AKAP12: variants seen among roughly 807,000 people sequenced by gnomAD.
AKAP12 encodes A-kinase anchor protein 12.
A neutral mutation model predicts 79.9 loss-of-function variants in AKAP12; 32 were observed. That is an observed-to-expected ratio of 0.40 (90% confidence interval 0.30 to 0.54). The LOEUF (loss-of-function observed/expected upper bound fraction) is 0.54, where lower values mean the gene tolerates loss of function less well. Among genes scored for constraint, AKAP12 ranks in the 20% least tolerant of loss-of-function variants. The pLI is 0.48. For synonymous variants in AKAP12, 808 were observed against 857.0 expected (o/e 0.94, Z 1.00); for missense variants, 2,074 against 2,177.0 (o/e 0.95, Z 0.94).
chr6:151,275,866 G>T (rs1306543296), intron 2 of AKAP12, among the ~76,000 whole-genome samples: 2 of 152,194 alleles, frequency 1.3e-5, no homozygotes. Flanking sequence ...TTGTTGAATG[G>T]TTTTATGCTG....
At chr6:151,315,811 A>G (rs1460064929) in intron 3 of AKAP12, among the ~76,000 whole-genome samples, 1 of 152,014 alleles carries the variant, frequency 6.6e-6, no homozygotes, top group Non-Finnish European at 1.5e-5. Context: ...CAGGAAACTT[A>G]ACAATAATGG....
In AKAP12 at chr6:151,351,467, G is replaced by C; in HGVS notation, c.3076G>C (p.Glu1026Gln). ...GGAGGCCACTCCGGTGCAGGAGGTG[G>C]AAGGTGGCGTACCTGACATAGAAGA... ...TEEATPVQEV[E>Q]GGVPDIEEQE... The change falls in exon 4 of 5, where the codon GAA becomes CAA. Residue 1026 changes from glutamate to glutamine, a missense_variant. Glu to Gln is a conservative substitution (Grantham distance 29). Around this residue, in one of 3 missense-constraint regions of AKAP12, gnomAD observed 1,428 missense variants for 1,451.0 expected, o/e 0.98. Transcript: ENST00000402676. This position sits in a 1 kb window ranked among gnomAD's most constrained non-coding sequence, Gnocchi z 4.4. 1 of 1,614,230 alleles carries C rather than the reference G, an allele frequency of 6.2e-7. No individual in the cohort carries two copies. Among genetic ancestry groups the C allele is most frequent in the East Asian group, 2.2e-5 (1 of 44,866 alleles).
intron 3 of AKAP12, among the ~76,000 whole-genome samples, chr6:151,312,432 T>C (rs1030034563): frequency 1.3e-5 from 2 of 151,982 alleles, no homozygotes; most frequent in African/African-American, 4.8e-5. Flanking sequence ...GAGCCATGAT[T>C]GCACCACTGT....
intron 2 of AKAP12, among the ~76,000 whole-genome samples, chr6:151,263,264 G>A (rs1652509042): frequency 1.3e-5 from 2 of 152,032 alleles, no homozygotes; most frequent in Non-Finnish European, 1.5e-5. Flanking sequence ...CCAACTCTTG[G>A]GCTCAAGCAA....
intron 2 of AKAP12, among the ~76,000 whole-genome samples, chr6:151,290,095 A>AC (rs1255010174): frequency 6.6e-6 from 1 of 152,212 alleles, no homozygotes; most frequent in Non-Finnish European, 1.5e-5. Context: ...GTGTGGACTA[A>AC]CACAAATGTG....
chr6:151,324,624 C>T (rs1777478941), intron 3 of AKAP12: 1 of 985,270 alleles, frequency 1.0e-6, no homozygotes, highest in Non-Finnish European at 1.2e-6. Context: ...TAAAACTTTC[C>T]TTTTTGTTTG....
chr6:151,318,044 C>G (rs547591699), intron 3 of AKAP12, among the ~76,000 whole-genome samples: 1 of 152,330 alleles, frequency 6.6e-6, no homozygotes, highest in Non-Finnish European at 1.5e-5. Context: ...TTGTGTCCCC[C>G]TAAACGTACA....
At chr6:151,281,272 T>C (rs1776401932) in intron 2 of AKAP12, among the ~76,000 whole-genome samples, 1 of 152,220 alleles carries the variant, frequency 6.6e-6, no homozygotes, top group African/African-American at 2.4e-5. Flanking sequence ...CTAATTTTAA[T>C]GCTACTGAGA....
At chr6:151,305,039 C>T (rs1016240821) in intron 2 of AKAP12, among the ~76,000 whole-genome samples, 4 of 152,226 alleles carry the variant, frequency 2.6e-5, no homozygotes, top group African/African-American at 7.2e-5. Context: ...GGCCTTCGCG[C>T]CAAGCGGCCT....
chr6:151,319,896 G>A (rs1777335626), intron 3 of AKAP12: 1 of 152,446 alleles, frequency 6.6e-6, no homozygotes, highest in South Asian at 2.1e-4. Flanking sequence ...AATAACAGTG[G>A]CATCGATTCT....
Position 151,240,869 on chromosome 6 carries a change from T to C in AKAP12, c.162+145T>C, listed in dbSNP as rs531971361. The C allele has an allele frequency of 9.9e-4, 808 of 813,622 alleles. 5 individuals carry two copies. Among genetic ancestry groups the C allele is most frequent in the Non-Finnish European group, 2.5e-4 (150 of 608,914 alleles). 50.4% of individuals were successfully genotyped at this position (813,622 alleles called of 1,614,324 possible). ...CAAACTCAGGAGTGCGAACCCCTCTTTGGAGGCTTTTCAGGGTCTTTCGCG... is the reference window on the plus strand; with the variant it reads ...CAAACTCAGGAGTGCGAACCCCTCTCTGGAGGCTTTTCAGGGTCTTTCGCG... On this transcript the variant is annotated intron_variant, in intron 2 of 4. Coordinates refer to ENST00000402676, the MANE Select transcript of AKAP12 (RefSeq NM_005100.4).
chr6:151,260,659 A>T (rs1422890191), intron 2 of AKAP12, among the ~76,000 whole-genome samples: 1 of 152,138 alleles, frequency 6.6e-6, no homozygotes, highest in Non-Finnish European at 1.5e-5. Flanking sequence ...TTGAGTTTGG[A>T]TGCAGATCGT....
At chr6:151,331,778 G>C (rs540416268) in intron 3 of AKAP12, among the ~76,000 whole-genome samples, 1 of 151,388 alleles carries the variant, frequency 6.6e-6, no homozygotes, top group Admixed American at 6.6e-5. Context: ...CCAGCTACTC[G>C]GGAGGCTGAG....
chr6:151,299,980 A>G (rs561904196), intron 2 of AKAP12, among the ~76,000 whole-genome samples: 5 of 152,302 alleles, frequency 3.3e-5, no homozygotes, highest in East Asian at 1.9e-4. Context: ...TGCCATATCT[A>G]TTAGAATGGC....
At chr6:151,308,456 G>T (rs574853078) in intron 3 of AKAP12, among the ~76,000 whole-genome samples, 5 of 151,908 alleles carry the variant, frequency 3.3e-5, no homozygotes, top group Admixed American at 2.6e-4. Flanking sequence ...CAAGTGATCC[G>T]CCCGCCTCAG....
chr6:151,355,112 C>T (rs1778409630), intron 4 of AKAP12, among the ~76,000 whole-genome samples: 1 of 151,994 alleles, frequency 6.6e-6, no homozygotes, highest in Non-Finnish European at 1.5e-5. Flanking sequence ...CCTCCTGCCT[C>T]AGCCTCCTGA....
Position 151,288,437 on chromosome 6 carries a change from G to A in AKAP12, c.163-17310G>A, listed in dbSNP as rs1212410818. 3.3e-5 allele frequency among the ~76,000 whole-genome samples: 5 copies of A among 152,178 alleles called. No homozygotes were observed. In the South Asian group the frequency reaches 8.3e-4, roughly 25 times the overall value. The stretch of plus-strand genomic sequence containing the variant: ...GAGGCTGAGAGGCAGGTTGAACCCC[G>A]GGAGGCGGAGGCTACAGTGAGCTGA... On this transcript the variant is annotated intron_variant, in intron 2 of 4. Transcript: ENST00000402676.
At chr6:151,324,780 T>C in intron 3 of AKAP12, 1 of 985,372 alleles carries the variant, frequency 1.0e-6, no homozygotes, top group Non-Finnish European at 1.2e-6. Flanking sequence ...TGTATTAAAA[T>C]TGTGAGACCA....
chr6:151,318,989 C>T (rs915885434), intron 3 of AKAP12, among the ~76,000 whole-genome samples: 3 of 152,068 alleles, frequency 2.0e-5, no homozygotes, highest in Admixed American at 1.3e-4. Flanking sequence ...AATTTTTTTA[C>T]ATATATCTAT....
Sources: allele counts gnomAD v4.1 joint callset (sites outside exome capture counted in the v4.1 genomes callset), GRCh38; gene constraint gnomAD v4.1.1; regional missense constraint gnomAD v4.1.1; non-coding constraint Gnocchi (gnomAD v3.1); transcripts MANE v1.5; gene names NCBI Gene and HGNC (gene_info 2026-07-23, HGNC 2026-07-21).